TANC1: variants seen among roughly 807,000 people sequenced by gnomAD.
TANC1 encodes the protein tetratricopeptide repeat, ankyrin repeat and coiled-coil containing 1.
Under a neutral mutation model 149.7 loss-of-function variants are expected in TANC1, and 77 were observed. The ratio of observed to expected loss-of-function variants is 0.51; its 90% CI spans 0.43 to 0.62. TANC1 has a LOEUF of 0.62. Ranked by LOEUF, TANC1 falls within the 20% of genes least tolerant of loss-of-function variation. The probability of loss-of-function intolerance (pLI) is 0.00; values close to 1 mark genes in which losing one functional copy is unlikely to be tolerated. For synonymous variants in TANC1, 854 were observed against 925.0 expected (o/e 0.92, Z 1.39); for missense variants, 1,985 against 2,321.8 (o/e 0.85, Z 2.98).
chr2:159,216,238 G>T (rs1363167930), intron 19 of TANC1, among the ~76,000 whole-genome samples: 1 of 152,158 alleles, frequency 6.6e-6, no homozygotes, highest in African/African-American at 2.4e-5. Flanking sequence ...TTCTTGTGTT[G>T]CCCCATTTTC....
At chr2:159,181,576 C>T (rs1035711805) in intron 14 of TANC1, among the ~76,000 whole-genome samples, 1 of 152,220 alleles carries the variant, frequency 6.6e-6, no homozygotes, top group Admixed American at 6.5e-5. Flanking sequence ...GGATTACAGG[C>T]GTGAGCCACT....
At chr2:159,194,890 A>C (rs1001324488) in intron 17 of TANC1, among the ~76,000 whole-genome samples, 1 of 152,190 alleles carries the variant, frequency 6.6e-6, no homozygotes, top group Non-Finnish European at 1.5e-5. Context: ...GATGAGTTCC[A>C]TGAACTCATG....
chr2:159,151,807 G>A (rs569647896), intron 7 of TANC1, among the ~76,000 whole-genome samples: 11 of 152,242 alleles, frequency 7.2e-5, no homozygotes, highest in Admixed American at 3.9e-4. Flanking sequence ...ATCTTTAATG[G>A]ATTTTTGTTT....
At chr2:159,113,074 A>G (rs1208620176) in intron 4 of TANC1, among the ~76,000 whole-genome samples, 1 of 152,056 alleles carries the variant, frequency 6.6e-6, no homozygotes, top group Admixed American at 6.6e-5. Context: ...AGCTGGGACT[A>G]CAAGCATGTG....
At position 159,178,868 on chromosome 2, in the gene TANC1, C is replaced by G. The variant is rs759947128; in HGVS notation, c.2215C>G (p.Leu739Val). The change falls in exon 14 of 27, where the codon CTT becomes GTT. Residue 739 changes from leucine to valine, a missense_variant. Physicochemically the swap from Leu to Val is conservative, Grantham distance 32. Transcript: ENST00000263635. ...VPVSLSELYL[L>V]QCNMKFMTQS... is the part of the protein sequence containing the mutation. The stretch of plus-strand genomic sequence containing the variant: ...CGTGTCTCTCTCTGAGCTCTATTTG[C>G]TTCAGTGCAACATGAAGTTCATGAC... 1.7e-5 allele frequency: 27 copies of G among 1,614,084 alleles called. No homozygotes were observed. The South Asian group carries it at 2.9e-4, about 17-fold the overall frequency.
intron 4 of TANC1, among the ~76,000 whole-genome samples, chr2:159,115,965 G>C (rs1205480963): frequency 6.6e-6 from 1 of 152,122 alleles, no homozygotes; most frequent in Non-Finnish European, 1.5e-5. Flanking sequence ...GTTTGACTTT[G>C]CCTATCTTGA....
intron 2 of TANC1, among the ~76,000 whole-genome samples, chr2:159,020,725 T>A (rs2038758810): frequency 6.6e-6 from 1 of 152,168 alleles, no homozygotes; most frequent in South Asian, 2.1e-4. Flanking sequence ...TCAGGGGCAA[T>A]GAATTTAAGA....
chr2:159,033,635 A>G (rs576248685), intron 2 of TANC1, among the ~76,000 whole-genome samples: 1 of 152,296 alleles, frequency 6.6e-6, no homozygotes, highest in Admixed American at 6.5e-5. Context: ...TTGTCCCTCT[A>G]TTACAGAAGA....
At chr2:159,092,511 G>A (rs1478443712) in intron 3 of TANC1, among the ~76,000 whole-genome samples, 1 of 152,128 alleles carries the variant, frequency 6.6e-6, no homozygotes, top group African/African-American at 2.4e-5. Context: ...GTTATCAAAA[G>A]CCATTTCTGC....
intron 1 of TANC1, among the ~76,000 whole-genome samples, chr2:158,973,869 A>G (rs2033258986): frequency 6.6e-6 from 1 of 152,238 alleles, no homozygotes; most frequent in Non-Finnish European, 1.5e-5. Context: ...CTATGTACAC[A>G]GACATGAGGG....
chr2:159,082,584 C>A lies in TANC1; in HGVS notation c.62-15053C>A, dbSNP rs544766548. Reference sequence around the variant, plus strand: ...TCTGTGTGGCAAACATGACCCTCGCCTTTCCATCTGGAGCAGATGGGGGAA... The same window carrying A: ...TCTGTGTGGCAAACATGACCCTCGCATTTCCATCTGGAGCAGATGGGGGAA... On this transcript the variant is annotated intron_variant, in intron 3 of 26. Transcript: ENST00000263635. Among the ~76,000 whole-genome samples the A allele has an allele frequency of 3.9e-5, 6 of 152,304 alleles. No homozygotes were observed. The East Asian group carries it at 1.2e-3, about 29-fold the overall frequency.
Position 159,230,819 on chromosome 2 carries a change from C to T in TANC1, c.5393C>T (p.Ala1798Val), listed in dbSNP as rs1309377170. Residue 1798 changes from alanine to valine, a missense_variant, in exon 27 of 27, where the codon GCA becomes GTA. By Grantham distance (64) the Ala-to-Val change is moderately conservative. Around this residue, in one of 3 missense-constraint regions of TANC1, gnomAD observed 920 missense variants for 994.7 expected, o/e 0.92. Coordinates refer to ENST00000263635, the MANE Select transcript of TANC1 (RefSeq NM_033394.3). This position sits in a 1 kb window ranked among gnomAD's most constrained non-coding sequence, Gnocchi z 4.4. ...CTGAGTGCAAGTGTCCACAATGGGG[C>T]ACAAGTGAAGGAGCTAGAAGAAAGC... ...STLSASVHNG[A>V]QVKELEESKC... is the part of the protein sequence containing the mutation. 2 of 1,614,172 alleles carry T rather than the reference C, an allele frequency of 1.2e-6. No individual in the cohort carries two copies. The highest frequency in any genetic ancestry group is 1.7e-6 in the Non-Finnish European group (2 of 1,180,024).
intron 24 of TANC1, chr2:159,227,580 A>C: frequency 1.9e-6 from 1 of 513,646 alleles, no homozygotes; most frequent in Non-Finnish European, 3.4e-6. Flanking sequence ...CCTTATTGTA[A>C]AACCAGCTTC....
chr2:158,994,543 T>C (rs2035964982), intron 1 of TANC1, among the ~76,000 whole-genome samples: 1 of 152,212 alleles, frequency 6.6e-6, no homozygotes, highest in Admixed American at 6.5e-5. Context: ...AGTGCTGGGA[T>C]TACAGATGTG....
chr2:159,034,901 G>A (rs539420972), intron 2 of TANC1, among the ~76,000 whole-genome samples: 24 of 152,318 alleles, frequency 1.6e-4, no homozygotes, highest in Non-Finnish European at 2.8e-4. Flanking sequence ...TCTTTGTCAC[G>A]TTGTTTAGCC....
rs759118842 is a variant in TANC1 at position 159,163,257 on chromosome 2, C to G, written c.683-26C>G. The stretch of plus-strand genomic sequence containing the variant: ...AGCCCCAGCTGTGCCTGGCCTCCTT[C>G]AAAGTATTTTGGTCTTTCATTTCAG... On this transcript the variant is annotated intron_variant, in intron 7 of 26. Transcript: ENST00000263635. 1.2e-5 allele frequency: 19 copies of G among 1,603,644 alleles called. No homozygotes were observed. In the Admixed American group the frequency reaches 3.0e-4, roughly 26 times the overall value.
At chr2:159,175,312 C>T in intron 12 of TANC1, 128 bp downstream of exon 12, 1 of 705,158 alleles carries the variant, frequency 1.4e-6, no homozygotes, top group South Asian at 1.8e-5. Context: ...GATGTCGAAG[C>T]CTCCGTGCCC....
chr2:159,225,249 G>A (rs907582790), intron 23 of TANC1: 1 of 228,100 alleles, frequency 4.4e-6, no homozygotes, highest in Non-Finnish European at 8.6e-6. Context: ...GGGTTAGAGA[G>A]GTTGTGGCCG....
intron 3 of TANC1, among the ~76,000 whole-genome samples, chr2:159,085,418 G>A (rs2044735147): frequency 1.3e-5 from 2 of 152,110 alleles, no homozygotes; most frequent in African/African-American, 2.4e-5. Flanking sequence ...TTAGCAAGAT[G>A]TCTGGCACAC....
Sources: gnomAD v4.1 joint callset for allele counts (sites outside exome capture counted in the v4.1 genomes callset) on GRCh38, gnomAD v4.1.1 for gene constraint, gnomAD v4.1.1 regional missense constraint, Gnocchi (gnomAD v3.1) non-coding constraint, MANE v1.5 for transcripts, NCBI Gene and HGNC (gene_info 2026-07-23, HGNC 2026-07-21) for gene names.